Variants in CADM1 observed in about 807,000 individuals in gnomAD.
The protein encoded by CADM1 is TSLC-1.
CADM1 carries 15 observed loss-of-function variants against 53.1 expected under a neutral mutation model. That is an observed-to-expected ratio of 0.28 (90% CI 0.19 to 0.44). CADM1 has a LOEUF of 0.44. CADM1 is among the 20% of genes least tolerant of loss of function. CADM1 has a pLI of 1.00. For synonymous variants in CADM1, 281 were observed against 243.0 expected (o/e 1.16, Z -1.45); for missense variants, 434 against 611.3 (o/e 0.71, Z 3.06).
intron 1 of CADM1, among the ~76,000 whole-genome samples, chr11:115,343,639 C>G (rs1945503703): frequency 6.7e-6 from 1 of 150,204 alleles, no homozygotes; most frequent in African/African-American, 2.4e-5. Context: ...CTGCATTTCT[C>G]AAAATTATTC....
chr11:115,470,906 G>C lies in CADM1; in HGVS notation c.124+33365C>G, dbSNP rs1948996951. 2.0e-5 allele frequency among the ~76,000 whole-genome samples: 3 copies of C among 152,296 alleles called. No homozygotes were observed. In the South Asian group the frequency reaches 6.2e-4, roughly 32 times the overall value. On this transcript the variant is annotated intron_variant, in intron 1 of 11. Transcript: ENST00000331581. ...CAATGGGAATCAATCACTGGAAGAA[G>C]TGAAGGACCCCGAAGTCAAAACTGG...
chr11:115,460,326 G>A (rs1948768292), intron 1 of CADM1, among the ~76,000 whole-genome samples: 1 of 152,072 alleles, frequency 6.6e-6, no homozygotes, highest in African/African-American at 2.4e-5. Flanking sequence ...CTTAAAATCA[G>A]TCCCAAAGGC....
chr11:115,433,475 C>A (rs1565425400), intron 1 of CADM1, among the ~76,000 whole-genome samples: 1 of 152,146 alleles, frequency 6.6e-6, no homozygotes. Flanking sequence ...GTGACCATTT[C>A]TTTCAGGGAG....
intron 8 of CADM1, among the ~76,000 whole-genome samples, chr11:115,205,543 T>A (rs1940633450): frequency 6.6e-6 from 1 of 152,226 alleles, no homozygotes; most frequent in African/African-American, 2.4e-5. Context: ...TGAAGGACTC[T>A]TACCCGGGGT....
chr11:115,361,564 G>A (rs915946338), intron 1 of CADM1, among the ~76,000 whole-genome samples: 28 of 152,014 alleles, frequency 1.8e-4, no homozygotes, highest in African/African-American at 6.8e-4. Flanking sequence ...ACCATATTTT[G>A]CATGTGACTG....
intron 8 of CADM1, among the ~76,000 whole-genome samples, chr11:115,200,651 A>G (rs1374814173): frequency 6.6e-6 from 1 of 152,106 alleles, no homozygotes; most frequent in Non-Finnish European, 1.5e-5. Flanking sequence ...ATGTGCCACC[A>G]CGCCTGGCTA....
chr11:115,439,152 T>C (rs1174518987), intron 1 of CADM1, among the ~76,000 whole-genome samples: 1 of 151,946 alleles, frequency 6.6e-6, no homozygotes, highest in African/African-American at 2.4e-5. Context: ...GCAAAGGGCT[T>C]TTAGTAAAAT....
chr11:115,386,965 A>G (rs1283280134), intron 1 of CADM1, among the ~76,000 whole-genome samples: 1 of 152,250 alleles, frequency 6.6e-6, no homozygotes, highest in Non-Finnish European at 1.5e-5. Flanking sequence ...GTAAAATATA[A>G]AAACAACAAC....
chr11:115,211,475 C>CTTTTTTTTTT (rs1224649182), intron 7 of CADM1, among the ~76,000 whole-genome samples: 4 of 92,258 alleles, frequency 4.3e-5, no homozygotes, highest in African/African-American at 4.3e-5. Flanking sequence ...AATCCTATTT[C>CTTTTTTTTTT]TTTTTTTTTT....
intron 1 of CADM1, among the ~76,000 whole-genome samples, chr11:115,386,602 T>C (rs1349569556): frequency 6.6e-6 from 1 of 151,546 alleles, no homozygotes; most frequent in Non-Finnish European, 1.5e-5. Context: ...AGCTCAGATC[T>C]CTCTTCCGCT....
At chr11:115,479,956 C>T (rs1421024485) in intron 1 of CADM1, among the ~76,000 whole-genome samples, 3 of 152,134 alleles carry the variant, frequency 2.0e-5, no homozygotes, top group African/African-American at 7.2e-5. Context: ...AAATTCTTTG[C>T]TGTGGCATCA....
chr11:115,405,150 T>A (rs1263801743), intron 1 of CADM1, among the ~76,000 whole-genome samples: 1 of 152,132 alleles, frequency 6.6e-6, no homozygotes, highest in Non-Finnish European at 1.5e-5. Context: ...AGACGGGGTC[T>A]TGCTGTTGCC....
At chr11:115,397,051 C>A (rs1480704910) in intron 1 of CADM1, 1 of 151,868 alleles carries the variant, frequency 6.6e-6, no homozygotes, top group Non-Finnish European at 1.5e-5. Flanking sequence ...TCGTTATGTT[C>A]AATAATTAGC....
At chr11:115,262,030 C>T (rs1942989859) in intron 1 of CADM1, among the ~76,000 whole-genome samples, 1 of 152,076 alleles carries the variant, frequency 6.6e-6, no homozygotes, top group Non-Finnish European at 1.5e-5. Flanking sequence ...CTGCCCACCT[C>T]GGCCTCCCAA....
rs80261960 is a variant in CADM1, at chr11:115,299,401, T to C, written c.125-58981A>G. Among the ~76,000 whole-genome samples the C allele has an allele frequency of 1.6e-4, 25 of 152,228 alleles. 1 individual carries two copies. In the East Asian group the frequency reaches 4.7e-3, roughly 28 times the overall value. On this transcript the variant is annotated intron_variant, in intron 1 of 11. Transcript: ENST00000331581. ...TTTTTTTGTTTACCAGCAGTGAGAA[T>C]TGGTGAACATGGTGTATGTACTTTT... is the stretch of plus-strand genomic sequence containing the variant.
At chr11:115,357,347 G>A (rs1350379980) in intron 1 of CADM1, among the ~76,000 whole-genome samples, 6 of 152,160 alleles carry the variant, frequency 3.9e-5, no homozygotes, top group Non-Finnish European at 8.8e-5. Flanking sequence ...TTTCAGCACT[G>A]GGTTCATTCA....
chr11:115,493,042 T>C (rs1949534153), intron 1 of CADM1, among the ~76,000 whole-genome samples: 2 of 152,184 alleles, frequency 1.3e-5, no homozygotes, highest in South Asian at 4.2e-4. Flanking sequence ...GTCCGCTGTC[T>C]AAATATCATT....
chr11:115,375,512 T>C lies in CADM1; in HGVS notation c.124+128759A>G, dbSNP rs551311939. Among the ~76,000 whole-genome samples, 55 of 152,270 alleles carry C rather than the reference T, an allele frequency of 3.6e-4. No homozygotes were observed. In the South Asian group the frequency reaches 0.011, roughly 30 times the overall value. On this transcript the variant is annotated intron_variant, in intron 1 of 11. Coordinates refer to ENST00000331581, the MANE Select transcript of CADM1 (RefSeq NM_001301043.2). Reference sequence around the variant, plus strand: ...CTGGTGTTATACTTCAACTAAAAAATAGTTAAGAGTAGACTACTATTCAGC... The same window carrying C: ...CTGGTGTTATACTTCAACTAAAAAACAGTTAAGAGTAGACTACTATTCAGC...
At chr11:115,256,792 A>C (rs1043180601) in intron 1 of CADM1, 2 of 455,906 alleles carry the variant, frequency 4.4e-6, no homozygotes, top group African/African-American at 4.0e-5. Context: ...CCTTCCTCTA[A>C]AAAGTTTGTT....
Sources: gnomAD v4.1 joint callset for allele counts (sites outside exome capture counted in the v4.1 genomes callset) on GRCh38, gnomAD v4.1.1 for gene constraint, MANE v1.5 for transcripts, NCBI Gene and HGNC (gene_info 2026-07-23, HGNC 2026-07-21) for gene names.